The following GALK2 variants were observed in gnomAD, a reference collection of about 807,000 sequenced individuals.
GALK2 encodes N-acetylgalactosamine kinase.
A neutral mutation model predicts 52.4 loss-of-function variants in GALK2; 36 were observed. The ratio of observed to expected loss-of-function variants is 0.69; its 90% CI spans 0.53 to 0.91. The LOEUF is 0.91. Among genes scored for constraint, GALK2 ranks in the 40% least tolerant of loss-of-function variants. GALK2 has a pLI of 0.00. For synonymous variants in GALK2, 176 were observed against 199.1 expected (o/e 0.88, Z 0.98); for missense variants, 579 against 559.1 (o/e 1.04, Z -0.36).
chr15:49,259,609 A>C (rs1275952607), intron 5 of GALK2, among the ~76,000 whole-genome samples: 1 of 144,132 alleles, frequency 6.9e-6, no homozygotes, highest in African/African-American at 2.6e-5. Flanking sequence ...TTTAAGTTTT[A>C]GGGTACATGT....
At chr15:49,285,214 G>A (rs995353317) in intron 7 of GALK2, among the ~76,000 whole-genome samples, 2 of 152,112 alleles carry the variant, frequency 1.3e-5, no homozygotes, top group Non-Finnish European at 2.9e-5. Context: ...ATTTCTCATT[G>A]TTATTTCTTA....
chr15:49,340,208 C>T (rs775908494), intron 3 of GALK2, among the ~76,000 whole-genome samples: 6 of 152,160 alleles, frequency 3.9e-5, no homozygotes, highest in South Asian at 2.1e-4. Context: ...CCCAAACAGC[C>T]GCCCAGTTTT....
intron 9 of GALK2, chr15:49,327,017 T>TAAG (rs886113490): frequency 6.6e-6 from 1 of 152,164 alleles, no homozygotes; most frequent in South Asian, 2.1e-4. Context: ...TGAATTTTAT[T>TAAG]AAGAAGAATT....
intron 5 of GALK2, among the ~76,000 whole-genome samples, chr15:49,272,642 A>G (rs774992440): frequency 6.6e-6 from 1 of 152,130 alleles, no homozygotes; most frequent in African/African-American, 2.4e-5. Flanking sequence ...TAACAGTTTT[A>G]CCACACACAT....
At position 49,351,679 on chromosome 15, in the gene GALK2, T is replaced by A. The variant is rs115456489; in HGVS notation, c.427-15812T>A. On this transcript the variant is annotated intron_variant, in intron 3 of 3. Coordinates refer to the GALK2 transcript ENST00000558399. ...TGCTCTTGGAATCAATACCTGTGGT[T>A]TCAAGGGAATAAAGTAACATTGGAC... 5.6e-3 allele frequency among the ~76,000 whole-genome samples: 857 copies of A among 152,220 alleles called. 6 individuals carry two copies. The highest frequency in any genetic ancestry group is 0.02 in the African/African-American group (817 of 41,526).
At chr15:49,309,881 C>T (rs186578781) in intron 8 of GALK2, among the ~76,000 whole-genome samples, 1 of 152,264 alleles carries the variant, frequency 6.6e-6, no homozygotes, top group East Asian at 1.9e-4. Context: ...GCTGGGATTA[C>T]AGGCATGAGC....
chr15:49,177,115 T>C (rs970186366), intron 1 of GALK2, among the ~76,000 whole-genome samples: 2 of 151,946 alleles, frequency 1.3e-5, no homozygotes, highest in African/African-American at 2.4e-5. Flanking sequence ...TTAATGACAC[T>C]CAAAGTTCTT....
intron 5 of GALK2, among the ~76,000 whole-genome samples, chr15:49,259,800 A>G (rs1411356769): frequency 1.6e-4 from 23 of 144,224 alleles, no homozygotes; most frequent in Middle Eastern, 4.1e-3. Flanking sequence ...TCATTGTTCA[A>G]TTCCCACCTA....
At chr15:49,281,846 A>G in intron 5 of GALK2, 141 bp from the exon 6 acceptor site, 1 of 572,872 alleles carries the variant, frequency 1.7e-6, no homozygotes, top group Admixed American at 3.2e-5. Context: ...AGCCCTTTTT[A>G]ATGCAGTGCT....
chr15:49,258,259 G>C (rs1198634511), intron 5 of GALK2, among the ~76,000 whole-genome samples: 1 of 152,068 alleles, frequency 6.6e-6, no homozygotes, highest in Non-Finnish European at 1.5e-5. Flanking sequence ...TGATGGAAAA[G>C]AAATAAGTGA....
At chr15:49,192,879 G>A (rs1169602084) in intron 1 of GALK2, among the ~76,000 whole-genome samples, 4 of 151,918 alleles carry the variant, frequency 2.6e-5, no homozygotes, top group Admixed American at 2.0e-4. Flanking sequence ...CTAACTCCTG[G>A]CCTCAAGCAA....
chr15:49,279,096 C>A (rs577535471), intron 5 of GALK2, among the ~76,000 whole-genome samples: 3 of 152,280 alleles, frequency 2.0e-5, no homozygotes, highest in African/African-American at 7.2e-5. Context: ...GCCCTTGACA[C>A]GTAGGGATTA....
intron 8 of GALK2, among the ~76,000 whole-genome samples, chr15:49,316,395 C>T (rs1326454244): frequency 6.9e-6 from 1 of 144,976 alleles, no homozygotes; most frequent in African/African-American, 2.6e-5. Context: ...TGTTCTCACT[C>T]GTAGCTGGGA....
intron 1 of GALK2, chr15:49,177,742 TG>T: frequency 1.2e-6 from 1 of 817,880 alleles, no homozygotes; most frequent in Non-Finnish European, 1.8e-6. Context: ...CATCACCCTT[TG>T]CTTGTGGACT....
chr15:49,326,255 A>ATTTTT (rs35381509), intron 9 of GALK2, among the ~76,000 whole-genome samples: 25 of 100,698 alleles, frequency 2.5e-4, no homozygotes, highest in South Asian at 3.5e-4. Context: ...TATGACAACC[A>ATTTTT]TTTTTTTTTT....
intron 3 of GALK2, among the ~76,000 whole-genome samples, chr15:49,220,180 C>T (rs763748128): frequency 1.4e-4 from 21 of 151,274 alleles, no homozygotes; most frequent in Admixed American, 6.0e-4. Flanking sequence ...TATAGTCCCC[C>T]TACTCTGCTA....
At chr15:49,286,237 C>T (rs1476395848) in intron 7 of GALK2, among the ~76,000 whole-genome samples, 1 of 152,208 alleles carries the variant, frequency 6.6e-6, no homozygotes, top group African/African-American at 2.4e-5. Flanking sequence ...CTTGTTAACT[C>T]TTATATCCCT....
intron 5 of GALK2, among the ~76,000 whole-genome samples, chr15:49,259,061 G>A (rs1002741291): frequency 2.0e-5 from 3 of 151,334 alleles, no homozygotes; most frequent in Non-Finnish European, 4.4e-5. Context: ...TGTCAGATGA[G>A]TAGGTTGTGA....
chr15:49,283,967 T>G (rs1334338533), intron 7 of GALK2, among the ~76,000 whole-genome samples: 1 of 152,080 alleles, frequency 6.6e-6, no homozygotes, highest in Non-Finnish European at 1.5e-5. Context: ...GAATTATAGG[T>G]TAGGTCTATG....
Sources: gnomAD v4.1 joint callset for allele counts (sites outside exome capture counted in the v4.1 genomes callset) on GRCh38, gnomAD v4.1.1 for gene constraint, MANE v1.5 for transcripts, NCBI Gene and HGNC (gene_info 2026-07-23, HGNC 2026-07-21) for gene names.